Variants in SDK2 observed in about 807,000 individuals in gnomAD.
The protein encoded by SDK2 is sidekick cell adhesion molecule 2, also known as protein sidekick-2.
In SDK2, 105 loss-of-function variants were observed where a neutral mutation model predicts 253.9. That is an observed-to-expected ratio of 0.41 (90% CI 0.35 to 0.49). The LOEUF (loss-of-function observed/expected upper bound fraction) is 0.49, where lower values mean the gene tolerates loss of function less well. Ranked by LOEUF, SDK2 falls within the 20% of genes least tolerant of loss-of-function variation. The pLI is 0.06. For synonymous variants in SDK2, 1,249 were observed against 1,234.9 expected, an observed-to-expected ratio of 1.01 and a Z score of -0.24; for missense variants, 2,608 against 3,003.0, an observed-to-expected ratio of 0.87 and a Z score of 3.07.
intron 1 of SDK2, among the ~76,000 whole-genome samples, chr17:73,598,020 G>C (rs1206898385): frequency 6.6e-6 from 1 of 152,208 alleles, no homozygotes; most frequent in Non-Finnish European, 1.5e-5. Flanking sequence ...GTGACGCTCA[G>C]AGGGTTTGGG....
intron 1 of SDK2, among the ~76,000 whole-genome samples, chr17:73,607,752 G>A (rs1461078545): frequency 2.6e-5 from 4 of 152,292 alleles, no homozygotes; most frequent in African/African-American, 7.2e-5. Flanking sequence ...GTCGGATCTC[G>A]GGGACCTCCT....
At position 73,338,730 on chromosome 17, in the gene SDK2, G is replaced by A. The variant is rs778014782; in HGVS notation, c.6376C>T (p.Leu2126Phe). Residue 2126 changes from leucine (L) to phenylalanine (F), a missense_variant, in exon 45 of 45, where the codon CTC (leucine) becomes TTC (phenylalanine). Physicochemically the swap from Leu to Phe is conservative, Grantham distance 22 (BLOSUM62 0). This residue lies in a region of SDK2 where 1,103 missense variants were observed against 1,143.9 expected (regional missense o/e 0.96). Transcript: ENST00000392650. This position sits in a 1 kb window ranked among gnomAD's most constrained non-coding sequence, Gnocchi z 5.0. ...TNSTSTQQGS[L>F]FRPKASRTPT... ...GTCCGACTGGCCTTGGGCCGAAAGA[G>A]GCTGCCCTGCTGGGTGCTGGTGCTG... 6.2e-7 allele frequency: 1 copy of A among 1,613,286 alleles called. No individual in the cohort carries two copies. The highest frequency in any genetic ancestry group is 2.2e-5 in the East Asian group (1 of 44,858).
chr17:73,406,386 G>A (rs528903127), intron 18 of SDK2, among the ~76,000 whole-genome samples: 3 of 151,974 alleles, frequency 2.0e-5, no homozygotes, highest in Non-Finnish European at 4.4e-5. Flanking sequence ...TGGGATTATA[G>A]GCACCTGCCA....
intron 1 of SDK2, among the ~76,000 whole-genome samples, chr17:73,551,688 G>A (rs189517838): frequency 6.6e-6 from 1 of 152,304 alleles, no homozygotes; most frequent in East Asian, 1.9e-4. Flanking sequence ...TATGGACGCT[G>A]TGGATGCCAT....
intron 1 of SDK2, among the ~76,000 whole-genome samples, chr17:73,595,986 G>A (rs1036928805): frequency 6.7e-6 from 1 of 148,312 alleles, no homozygotes; most frequent in Non-Finnish European, 1.5e-5. Context: ...AGAAGTCAGA[G>A]GTCTTGGCCT....
intron 1 of SDK2, among the ~76,000 whole-genome samples, chr17:73,633,474 C>T (rs969422137): frequency 6.6e-6 from 1 of 152,144 alleles, no homozygotes; most frequent in Non-Finnish European, 1.5e-5. Flanking sequence ...AATGAGGACA[C>T]TTGTGGCCAC....
intron 1 of SDK2, among the ~76,000 whole-genome samples, chr17:73,513,091 A>C (rs1345240843): frequency 2.0e-5 from 3 of 151,948 alleles, no homozygotes; most frequent in Non-Finnish European, 4.4e-5. Context: ...TGCAAGCTCC[A>C]AAAGGTCATA....
chr17:73,440,772 G>A lies in SDK2; in HGVS notation c.725+40C>T, dbSNP rs1331299129. On this transcript the variant is annotated intron_variant, in intron 6 of 44. Transcript: ENST00000392650. ...GCCCGCAGTTTGGGAGCAGCAGCTG[G>A]AGTTACGGGTGCGGGAGCGAGGGAA... The A allele has an allele frequency of 6.4e-6, 9 of 1,414,604 alleles. No homozygotes were observed. The Admixed American group carries it at 1.6e-4, about 25-fold the overall frequency. The allele number at this position is 1,414,604 out of a possible 1,614,324, so 87.6% of individuals were successfully genotyped here.
intron 1 of SDK2, among the ~76,000 whole-genome samples, chr17:73,593,729 T>C (rs2045716262): frequency 6.6e-6 from 1 of 152,192 alleles, no homozygotes; most frequent in South Asian, 2.1e-4. Flanking sequence ...GGCAGAAGGC[T>C]TCCAGGAGAC....
chr17:73,593,161 C>A (rs1322284453), intron 1 of SDK2, among the ~76,000 whole-genome samples: 1 of 152,178 alleles, frequency 6.6e-6, no homozygotes, highest in Non-Finnish European at 1.5e-5. Context: ...GCTGGGTACC[C>A]CACCCCACCC....
At chr17:73,528,073 C>A (rs1367115142) in intron 1 of SDK2, among the ~76,000 whole-genome samples, 1 of 152,020 alleles carries the variant, frequency 6.6e-6, no homozygotes, top group Middle Eastern at 3.2e-3. Context: ...AGAGAAGATG[C>A]CAGGTCCAGT....
intron 40 of SDK2, among the ~76,000 whole-genome samples, chr17:73,355,174 A>ATATATATATATATATTTTTTTTTTTTT: frequency 2.1e-5 from 1 of 47,224 alleles, no homozygotes; most frequent in East Asian, 8.4e-4. Flanking sequence ...ATATATATAT[A>ATATATATATATATATTTTTTTTTTTTT]TTTTTTTTTT....
At chr17:73,477,028 C>T (rs1228291999) in intron 2 of SDK2, among the ~76,000 whole-genome samples, 1 of 152,194 alleles carries the variant, frequency 6.6e-6, no homozygotes, top group Non-Finnish European at 1.5e-5. Context: ...AGTAACAGTT[C>T]CGCCCACTGC....
rs768271261 is a variant in SDK2, at chr17:73,430,542, C to T, written c.1552G>A (p.Gly518Arg). The change falls in exon 12 of 45, where the codon GGA becomes AGA. Residue 518 changes from glycine (G) to arginine (R), a missense_variant. This residue lies in a region of SDK2 where 1,505 missense variants were observed against 1,859.1 expected (regional missense o/e 0.81). Coordinates refer to ENST00000392650, the MANE Select transcript of SDK2 (RefSeq NM_001144952.2). ...IKGTQASMVC[G>R]VTHDPRVTIR... ...GTTACTCGGGGGTCGTGGGTCACTC[C>T]GCACACCATGGAGGCCTGGGTGCCC... The T allele has an allele frequency of 2.7e-5, 44 of 1,608,046 alleles. No homozygotes were observed. Among genetic ancestry groups the T allele is most frequent in the East Asian group, 1.4e-4 (6 of 44,436 alleles).
chr17:73,395,126 C>A lies in SDK2; in HGVS notation c.3592+29G>T. On this transcript the variant is annotated intron_variant, in intron 25 of 44. Coordinates refer to ENST00000392650, the MANE Select transcript of SDK2 (RefSeq NM_001144952.2). The surrounding 1 kb of genome is among the most constrained non-coding windows in gnomAD (Gnocchi z 4.3). ...TAGAGACCAAGGAGGGGACAGGCAG[C>A]AGGGTGGCTGGGTGTGAGGGGTTGG... 6.5e-7 allele frequency: 1 copy of A among 1,534,446 alleles called. No homozygotes were observed. The highest frequency in any genetic ancestry group is 8.8e-7 in the Non-Finnish European group (1 of 1,133,822).
Position 73,616,332 on chromosome 17 carries a change from G to A in SDK2, c.64+27693C>T, listed in dbSNP as rs762764901. Among the ~76,000 whole-genome samples, 2 of 151,724 alleles carry A rather than the reference G, an allele frequency of 1.3e-5. No individual in the cohort carries two copies. Among genetic ancestry groups the A allele is most frequent in the Non-Finnish European group, 2.9e-5 (2 of 67,956 alleles). On this transcript the variant is annotated intron_variant, in intron 1 of 44. Transcript: ENST00000392650. The surrounding 1 kb of genome is among the most constrained non-coding windows in gnomAD (Gnocchi z 5.2). ...CCACCCCCGGCTCCCCACCTCAACA[G>A]TCTCCCCAGCCCCAGCTCAGCATCC...
chr17:73,596,635 T>A (rs1385714629), intron 1 of SDK2, among the ~76,000 whole-genome samples: 1 of 152,076 alleles, frequency 6.6e-6, no homozygotes, highest in Non-Finnish European at 1.5e-5. Context: ...CCCTTCCCAG[T>A]GGTCTCTGAT....
At chr17:73,560,213 C>G (rs1236935551) in intron 1 of SDK2, among the ~76,000 whole-genome samples, 1 of 152,222 alleles carries the variant, frequency 6.6e-6, no homozygotes, top group Non-Finnish European at 1.5e-5. Flanking sequence ...CAATAAATGA[C>G]AGACAAGGTG....
intron 44 of SDK2, 67 bp from the exon 45 acceptor site, chr17:73,339,007 G>A (rs2062408360): frequency 7.3e-6 from 10 of 1,371,190 alleles, no homozygotes; most frequent in South Asian, 1.2e-5. Flanking sequence ...GTTGGGGCCG[G>A]AAGGCACAGG....
Sources: gnomAD v4.1 joint callset for allele counts (sites outside exome capture counted in the v4.1 genomes callset) on GRCh38, gnomAD v4.1.1 for gene constraint, gnomAD v4.1.1 regional missense constraint, Gnocchi (gnomAD v3.1) non-coding constraint, MANE v1.5 for transcripts, NCBI Gene and HGNC (gene_info 2026-07-23, HGNC 2026-07-21) for gene names.